OR2L13: variants seen among roughly 807,000 people sequenced by gnomAD.
The protein encoded by OR2L13 is olfactory receptor family 2 subfamily L member 13, also known as olfactory receptor 2L13.
A neutral mutation model predicts 15.3 loss-of-function variants in OR2L13; 14 were observed. The ratio of observed to expected loss-of-function variants is 0.91; its 90% CI spans 0.60 to 1.43. The LOEUF (loss-of-function observed/expected upper bound fraction) is 1.43. OR2L13 is among the 40% of genes most tolerant of loss of function. OR2L13 has a pLI of 0.00. For missense variants in OR2L13, 367 were observed against 387.9 expected, an observed-to-expected ratio of 0.95 and a Z score of 0.45; for synonymous variants, 152 against 142.9, an observed-to-expected ratio of 1.06 and a Z score of -0.45.
the OR2L13 span, among the ~76,000 whole-genome samples, chr1:248,034,027 C>A: frequency 1.3e-5 from 2 of 152,096 alleles, no homozygotes; most frequent in African/African-American, 4.8e-5. Flanking sequence ...AAGAATTCAG[C>A]CAAGTTTCAG....
chr1:247,946,239 T>A, the OR2L13 span, among the ~76,000 whole-genome samples: 1 of 152,098 alleles, frequency 6.6e-6, no homozygotes, highest in Non-Finnish European at 1.5e-5. Flanking sequence ...TTGCTTATCC[T>A]AAGTTTTCTA....
At chr1:247,953,937 T>TA in the OR2L13 span, among the ~76,000 whole-genome samples, 1 of 151,712 alleles carries the variant, frequency 6.6e-6, no homozygotes, top group Non-Finnish European at 1.5e-5. Flanking sequence ...TGTCTCTTTT[T>TA]TTTTCTTTGT....
the OR2L13 span, among the ~76,000 whole-genome samples, chr1:247,954,558 A>G: frequency 2.0e-5 from 3 of 152,116 alleles, no homozygotes; most frequent in South Asian, 4.1e-4. Context: ...TTAAACTGAC[A>G]TTAAAAATCT....
chr1:247,968,838 A>G, the OR2L13 span, among the ~76,000 whole-genome samples: 1 of 152,272 alleles, frequency 6.6e-6, no homozygotes, highest in South Asian at 2.1e-4. Context: ...AGCATGATTT[A>G]TAATCCTTTG....
chr1:248,062,493 T>A, the OR2L13 span: 3 of 152,112 alleles, frequency 2.0e-5, no homozygotes, highest in South Asian at 6.2e-4. Context: ...TTGTTCTCAC[T>A]CCTATGCGAG....
At chr1:248,004,772 G>A in the OR2L13 span, among the ~76,000 whole-genome samples, 24 of 152,284 alleles carry the variant, frequency 1.6e-4, no homozygotes, top group African/African-American at 2.2e-4. Flanking sequence ...GTTGATTTTG[G>A]TATGGTATAA....
the OR2L13 span, among the ~76,000 whole-genome samples, chr1:247,952,727 A>C: frequency 6.6e-6 from 1 of 152,204 alleles, no homozygotes; most frequent in African/African-American, 2.4e-5. Flanking sequence ...ATTATTGGAA[A>C]GAGCCTGAGG....
upstream of OR2L13, among the ~76,000 whole-genome samples, chr1:248,095,623 T>TTTTTTTTTTTC (rs1037934922): frequency 3.1e-5 from 4 of 130,468 alleles, no homozygotes; most frequent in African/African-American, 1.1e-4. Context: ...TTTTTTTTTT[T>TTTTTTTTTTTC]TGAGATGGAG....
At chr1:247,992,815 G>A in the OR2L13 span, among the ~76,000 whole-genome samples, 26 of 144,410 alleles carry the variant, frequency 1.8e-4, no homozygotes, top group African/African-American at 6.9e-4. Context: ...CTTTGCTGTT[G>A]TGAATAGTGC....
At chr1:248,084,665 G>A in the OR2L13 span, 15 of 1,514,540 alleles carry the variant, frequency 9.9e-6, no homozygotes, top group African/African-American at 8.4e-5. Flanking sequence ...TCTGAATAAC[G>A]AGCTAACTTC....
At chr1:247,963,121 A>G in the OR2L13 span, among the ~76,000 whole-genome samples, 5 of 152,172 alleles carry the variant, frequency 3.3e-5, no homozygotes, top group African/African-American at 4.8e-5. Context: ...GTCAAGGAAT[A>G]AAAAGGTGCC....
At chr1:248,083,220 A>G in the OR2L13 span, among the ~76,000 whole-genome samples, 2 of 152,172 alleles carry the variant, frequency 1.3e-5, no homozygotes, top group Non-Finnish European at 2.9e-5. Flanking sequence ...GAGCATACAC[A>G]TAGGAAATAA....
chr1:248,073,202 A>C, the OR2L13 span, among the ~76,000 whole-genome samples: 14 of 151,978 alleles, frequency 9.2e-5, no homozygotes, highest in African/African-American at 3.4e-4. Context: ...CACTATTCAC[A>C]ATAGCAAAGA....
At chr1:247,986,706 A>G in the OR2L13 span, among the ~76,000 whole-genome samples, 1 of 152,098 alleles carries the variant, frequency 6.6e-6, no homozygotes, top group African/African-American at 2.4e-5. Context: ...CTTGGGGGTT[A>G]TGGCCATTTT....
the OR2L13 span, chr1:247,965,085 A>C: frequency 4.1e-6 from 1 of 242,322 alleles, no homozygotes; most frequent in Non-Finnish European, 7.8e-6. Flanking sequence ...ATGTACATAT[A>C]CTTACATATA....
At chr1:247,978,758 C>T in the OR2L13 span, among the ~76,000 whole-genome samples, 5,879 of 151,998 alleles carry the variant, frequency 0.039, 344 homozygotes, top group African/African-American at 0.13. Context: ...TTTCAGGATC[C>T]CCTCCTCCTC....
the OR2L13 span, among the ~76,000 whole-genome samples, chr1:247,985,433 C>T: frequency 6.6e-6 from 1 of 152,158 alleles, no homozygotes; most frequent in African/African-American, 2.4e-5. Flanking sequence ...CTACAAAGGG[C>T]ATGAACTCAT....
chr1:247,982,786 A>T, the OR2L13 span, among the ~76,000 whole-genome samples: 1 of 152,206 alleles, frequency 6.6e-6, no homozygotes, highest in Non-Finnish European at 1.5e-5. Context: ...AGTTGAAATG[A>T]TTAAATTTTA....
At chr1:248,099,852 A>T (rs777149314) in exon 3 of OR2L13, 23 of 1,614,110 alleles carry the variant, frequency 1.4e-5, no homozygotes, top group Non-Finnish European at 1.8e-5. Flanking sequence ...TGGCACACAC[A>T]GTCTTTGCCC....
Sources: gnomAD v4.1 joint callset for allele counts (sites outside exome capture counted in the v4.1 genomes callset) on GRCh38, gnomAD v4.1.1 for gene constraint, MANE v1.5 for transcripts, NCBI Gene and HGNC (gene_info 2026-07-23, HGNC 2026-07-21) for gene names.